CDH13: variants seen among roughly 807,000 people sequenced by gnomAD.
CDH13 encodes cadherin 13, also known as cadherin-13.
Under a neutral mutation model 63.8 loss-of-function variants are expected in CDH13, and 24 were observed. The ratio of observed to expected loss-of-function variants is 0.38; its 90% CI spans 0.27 to 0.53. The LOEUF (loss-of-function observed/expected upper bound fraction) is 0.53, where lower values mean the gene tolerates loss of function less well. Among genes scored for constraint, CDH13 ranks in the 20% least tolerant of loss-of-function variants. CDH13 has a pLI of 0.85. For missense variants in CDH13, 1,049 were observed against 903.1 expected (o/e 1.16, Z -2.07); for synonymous variants, 503 against 355.3 (o/e 1.42, Z -4.67).
chr16:83,541,552 T>A lies in CDH13; in HGVS notation c.960+54897T>A, dbSNP rs552311037. ...AGGGCCATGAAACAGACAATGGAATTTGGTAGAAGTCATCAAACCACTCCT... is the reference window on the plus strand; with the variant it reads ...AGGGCCATGAAACAGACAATGGAATATGGTAGAAGTCATCAAACCACTCCT... On this transcript the variant is annotated intron_variant, in intron 7 of 13. Coordinates refer to ENST00000567109, the MANE Select transcript of CDH13 (RefSeq NM_001257.5). Among the ~76,000 whole-genome samples the A allele has an allele frequency of 2.0e-5, 3 of 152,298 alleles. No homozygotes were observed. The East Asian group carries it at 5.8e-4, about 29-fold the overall frequency.
chr16:83,030,194 A>G (rs1597176722), intron 2 of CDH13, among the ~76,000 whole-genome samples: 1 of 151,846 alleles, frequency 6.6e-6, no homozygotes, highest in East Asian at 1.9e-4. Context: ...ACATCTGTCC[A>G]CTCTCCATAT....
chr16:83,513,979 G>A (rs1598197506), intron 7 of CDH13, among the ~76,000 whole-genome samples: 2 of 152,164 alleles, frequency 1.3e-5, no homozygotes, highest in Non-Finnish European at 2.9e-5. Context: ...AATAGAGACT[G>A]TCTTGTATGT....
intron 7 of CDH13, among the ~76,000 whole-genome samples, chr16:83,582,052 T>C (rs1905660077): frequency 6.6e-6 from 1 of 152,118 alleles, no homozygotes; most frequent in Non-Finnish European, 1.5e-5. Context: ...GTGGAATTAA[T>C]GGATGACCCC....
At chr16:82,695,226 C>T (rs2030123034) in intron 1 of CDH13, among the ~76,000 whole-genome samples, 1 of 152,118 alleles carries the variant, frequency 6.6e-6, no homozygotes, top group African/African-American at 2.4e-5. Flanking sequence ...GAAGCATCAA[C>T]AGGGAGATAC....
intron 3 of CDH13, among the ~76,000 whole-genome samples, chr16:83,087,114 A>T (rs561309577): frequency 6.6e-6 from 1 of 152,342 alleles, no homozygotes; most frequent in South Asian, 2.1e-4. Flanking sequence ...CAAATAGTTG[A>T]CATAAAATGT....
At chr16:83,539,501 T>A (rs944339776) in intron 7 of CDH13, among the ~76,000 whole-genome samples, 5 of 151,966 alleles carry the variant, frequency 3.3e-5, no homozygotes, top group African/African-American at 1.2e-4. Flanking sequence ...CACATGAAAG[T>A]GAAAGGCTGA....
At chr16:82,980,930 C>T (rs1400496037) in intron 2 of CDH13, among the ~76,000 whole-genome samples, 1 of 152,142 alleles carries the variant, frequency 6.6e-6, no homozygotes, top group East Asian at 1.9e-4. Flanking sequence ...GTCTTGAAAC[C>T]CTTCTGGTGC....
At chr16:83,550,627 A>T (rs1038032278) in intron 7 of CDH13, among the ~76,000 whole-genome samples, 1 of 152,198 alleles carries the variant, frequency 6.6e-6, no homozygotes, top group Non-Finnish European at 1.5e-5. Context: ...GAAAGATATC[A>T]ATGCCTCTGA....
chr16:83,229,916 C>G (rs1024105137), intron 5 of CDH13, among the ~76,000 whole-genome samples: 1 of 152,094 alleles, frequency 6.6e-6, no homozygotes, highest in Admixed American at 6.6e-5. Context: ...GTCGCATCCT[C>G]GTTAAATGAT....
At chr16:83,048,040 TTACAG>T (rs1326082878) in intron 3 of CDH13, among the ~76,000 whole-genome samples, 1 of 152,244 alleles carries the variant, frequency 6.6e-6, no homozygotes, top group Non-Finnish European at 1.5e-5. Flanking sequence ...CTGAATATTA[TTACAG>T]TAAAGTAGAT....
chr16:83,314,607 A>C (rs544841462), intron 5 of CDH13, among the ~76,000 whole-genome samples: 12 of 152,318 alleles, frequency 7.9e-5, no homozygotes, highest in African/African-American at 2.6e-4. Context: ...AGACAAGCCC[A>C]CAACTTCATA....
At chr16:83,423,766 CA>C in intron 6 of CDH13, among the ~76,000 whole-genome samples, 1 of 152,126 alleles carries the variant, frequency 6.6e-6, no homozygotes, top group Non-Finnish European at 1.5e-5. Flanking sequence ...GTGGGGACTG[CA>C]AGATGTGCAA....
intron 8 of CDH13, among the ~76,000 whole-genome samples, chr16:83,666,617 C>T (rs1335610443): frequency 6.6e-6 from 1 of 152,224 alleles, no homozygotes; most frequent in East Asian, 1.9e-4. Flanking sequence ...TGGCTCTCCC[C>T]TTCATTCCAG....
chr16:83,683,332 T>G (rs1291809173), intron 10 of CDH13, among the ~76,000 whole-genome samples: 1 of 152,244 alleles, frequency 6.6e-6, no homozygotes, highest in African/African-American at 2.4e-5. Context: ...GGAAGAAACT[T>G]TTGAAAAGAC....
At chr16:83,672,409 C>CTTTTTTTT (rs34156503) in intron 9 of CDH13, among the ~76,000 whole-genome samples, 653 of 35,144 alleles carry the variant, frequency 0.019, 209 homozygotes, top group Non-Finnish European at 0.028. Flanking sequence ...TCTGGATTCT[C>CTTTTTTTT]TTTTTTTTTT....
At chr16:82,825,857 T>C in intron 1 of CDH13, 1 of 151,854 alleles carries the variant, frequency 6.6e-6, no homozygotes, top group Non-Finnish European at 1.5e-5. Flanking sequence ...TTAACAATTT[T>C]TTTTTGTTTG....
Position 82,733,815 on chromosome 16 carries a change from A to G in CDH13, c.45+106678A>G, listed in dbSNP as rs188073295. ...CTACTTAACACAAAACAAAAACTGG[A>G]TAAAATACCCAGTTGCCTGAATATG... On this transcript the variant is annotated intron_variant, in intron 1 of 13. Transcript: ENST00000567109. Among the ~76,000 whole-genome samples, 60 of 152,364 alleles carry G rather than the reference A, an allele frequency of 3.9e-4. 1 individual carries two copies. The highest frequency in any genetic ancestry group is 1.3e-3 in the African/African-American group (55 of 41,592).
At chr16:83,677,383 C>G (rs1915045961) in intron 9 of CDH13, among the ~76,000 whole-genome samples, 1 of 152,204 alleles carries the variant, frequency 6.6e-6, no homozygotes, top group Admixed American at 6.5e-5. Context: ...TGGGGTAGGA[C>G]AATCCACCAT....
At chr16:83,194,191 G>C (rs1357093723) in intron 4 of CDH13, among the ~76,000 whole-genome samples, 5 of 152,086 alleles carry the variant, frequency 3.3e-5, no homozygotes, top group Admixed American at 1.3e-4. Flanking sequence ...CCTTTCTTCT[G>C]GCTGCAGCCT....
Sources: allele counts gnomAD v4.1 joint callset (sites outside exome capture counted in the v4.1 genomes callset), GRCh38; gene constraint gnomAD v4.1.1; transcripts MANE v1.5; gene names NCBI Gene and HGNC (gene_info 2026-07-23, HGNC 2026-07-21).